Variants in VAC14 observed in about 807,000 individuals in gnomAD.
VAC14 encodes protein VAC14 homolog.
A neutral mutation model predicts 85.3 loss-of-function variants in VAC14; 47 were observed. That is an observed-to-expected ratio of 0.55 (90% CI 0.44 to 0.70). The LOEUF is 0.70. Ranked by LOEUF, VAC14 falls within the 30% of genes least tolerant of loss-of-function variation. The pLI is 0.00. For synonymous variants in VAC14, 447 were observed against 430.5 expected, an observed-to-expected ratio of 1.04 and a Z score of -0.47; for missense variants, 861 against 1,004.3, an observed-to-expected ratio of 0.86 and a Z score of 1.93.
At chr16:70,739,859 T>C (rs2030091069) in intron 13 of VAC14, among the ~76,000 whole-genome samples, 1 of 152,212 alleles carries the variant, frequency 6.6e-6, no homozygotes, top group Admixed American at 6.5e-5. Context: ...CTACAAGGAA[T>C]GAAACCAAAT....
intron 14 of VAC14, among the ~76,000 whole-genome samples, chr16:70,723,566 C>T (rs1257166674): frequency 1.3e-5 from 2 of 152,240 alleles, no homozygotes; most frequent in Non-Finnish European, 2.9e-5. Context: ...AGTTTCCTGG[C>T]ATCCTTAGGT....
At chr16:70,726,297 G>A (rs1192174807) in intron 14 of VAC14, among the ~76,000 whole-genome samples, 1 of 152,236 alleles carries the variant, frequency 6.6e-6, no homozygotes, top group African/African-American at 2.4e-5. Flanking sequence ...AGCGGAGCCG[G>A]GCCGGGCCGC....
intron 12 of VAC14, among the ~76,000 whole-genome samples, chr16:70,757,174 T>C (rs1412268940): frequency 6.6e-6 from 1 of 152,194 alleles, no homozygotes; most frequent in East Asian, 1.9e-4. Context: ...ACACTTTCTC[T>C]GTAGGCCCAA....
At chr16:70,756,658 A>AC (rs1157293854) in intron 12 of VAC14, among the ~76,000 whole-genome samples, 2 of 152,022 alleles carry the variant, frequency 1.3e-5, no homozygotes, top group African/African-American at 4.8e-5. Flanking sequence ...TTGGGGTTCT[A>AC]CCCCATGGGT....
chr16:70,695,620 C>T lies in VAC14; in HGVS notation c.1959G>A (p.Gly653=). The change falls in exon 17 of 19, where the codon GGG becomes GGA. Residue 653 remains glycine (G), a synonymous_variant. Transcript: ENST00000261776. ...RHAYDLIQKF[G]DLEVTVDFLA... is the part of the protein sequence containing the mutation. Reference sequence around the variant, plus strand: ...GGAAGTCCACGGTGACCTCCAGGTCCCCACTGGGTGTGCAGTCAAGGAAAG... The same window carrying T: ...GGAAGTCCACGGTGACCTCCAGGTCTCCACTGGGTGTGCAGTCAAGGAAAG... 4.3e-6 allele frequency: 7 copies of T among 1,613,484 alleles called. No homozygotes were observed. Among genetic ancestry groups the T allele is most frequent in the Non-Finnish European group, 5.9e-6 (7 of 1,179,692 alleles).
At chr16:70,736,392 GA>G (rs1459627784) in intron 13 of VAC14, among the ~76,000 whole-genome samples, 1 of 152,204 alleles carries the variant, frequency 6.6e-6, no homozygotes, top group Non-Finnish European at 1.5e-5. Flanking sequence ...GGGCTGGTCT[GA>G]AATGTCTGAG....
Position 70,782,175 on chromosome 16 carries a change from A to G in VAC14, c.812-172T>C, listed in dbSNP as rs879058191. On this transcript the variant is annotated intron_variant, in intron 7 of 18. Coordinates refer to ENST00000261776, the MANE Select transcript of VAC14 (RefSeq NM_018052.5). ...TGTGCTTTGCCTTCCAAAGGTGGAG[A>G]CACAGGCTGGGACGGAGCAACAATC... Among the ~76,000 whole-genome samples, 4 of 152,204 alleles carry G rather than the reference A, an allele frequency of 2.6e-5. No homozygotes were observed. In the South Asian group the frequency reaches 6.2e-4, roughly 24 times the overall value.
At chr16:70,752,780 T>C (rs1304099320) in intron 12 of VAC14, among the ~76,000 whole-genome samples, 2 of 152,186 alleles carry the variant, frequency 1.3e-5, no homozygotes, top group Non-Finnish European at 2.9e-5. Context: ...GCCCCAGATG[T>C]GGGGCACGTC....
Position 70,695,552 on chromosome 16 carries a change from A to G in VAC14, c.2027T>C (p.Ile676Thr), listed in dbSNP as rs991696795. ...TGGGAGGTGGTTCTTACATGTGAAG[A>G]TGGGGCACTCAATCAGCTGCACCAG... ...DKLVQLIECP[I>T]FTYLRLQLLD... is the part of the protein sequence containing the mutation. The change falls in exon 17 of 19, where the codon ATC (isoleucine) becomes ACC (threonine). Residue 676 changes from isoleucine to threonine, a missense_variant. This residue lies in a region of VAC14 where 163 missense variants were observed against 162.2 expected (regional missense o/e 1.00). Transcript: ENST00000261776. The G allele has an allele frequency of 5.0e-6, 8 of 1,613,750 alleles. No homozygotes were observed. The highest frequency in any genetic ancestry group is 2.7e-5 in the African/African-American group (2 of 74,896).
intron 14 of VAC14, among the ~76,000 whole-genome samples, chr16:70,727,425 C>T (rs902864229): frequency 6.6e-6 from 1 of 152,158 alleles, no homozygotes; most frequent in Non-Finnish European, 1.5e-5. Flanking sequence ...CTGCAACCTC[C>T]GCCTCCTGGG....
intron 1 of VAC14, among the ~76,000 whole-genome samples, chr16:70,788,421 T>C (rs1271042753): frequency 6.6e-6 from 1 of 152,200 alleles, no homozygotes; most frequent in Non-Finnish European, 1.5e-5. Context: ...GCTGTACAAG[T>C]GGCCTGTGAG....
intron 12 of VAC14, among the ~76,000 whole-genome samples, chr16:70,755,655 C>T (rs1007261536): frequency 6.6e-6 from 1 of 152,204 alleles, no homozygotes; most frequent in Non-Finnish European, 1.5e-5. Context: ...CAGCTGGGGC[C>T]CTCTCCTCCT....
chr16:70,759,443 G>C (rs1048625798), intron 12 of VAC14, among the ~76,000 whole-genome samples: 1 of 152,070 alleles, frequency 6.6e-6, no homozygotes. Context: ...CCTGGCCAAC[G>C]TGGTGAAAGC....
intron 9 of VAC14, chr16:70,778,887 G>T (rs928742536): frequency 5.9e-5 from 9 of 152,158 alleles, no homozygotes; most frequent in African/African-American, 2.2e-4. Flanking sequence ...ATATTTCAGT[G>T]AGAGGTCACA....
At chr16:70,730,659 G>T (rs536352192) in intron 14 of VAC14, among the ~76,000 whole-genome samples, 1 of 147,314 alleles carries the variant, frequency 6.8e-6, no homozygotes, top group African/African-American at 2.6e-5. Context: ...GTGCAGTGGT[G>T]TGATCTCGGC....
intron 1 of VAC14, among the ~76,000 whole-genome samples, chr16:70,798,089 T>A (rs8058006): frequency 0.2 from 30,747 of 152,158 alleles, 5,066 homozygotes; most frequent in African/African-American, 0.46. Context: ...TATTATGCTC[T>A]TTTTACAGAT....
intron 14 of VAC14, chr16:70,716,299 G>A (rs949226303): frequency 6.6e-6 from 1 of 152,274 alleles, no homozygotes; most frequent in African/African-American, 2.4e-5. Flanking sequence ...GCACATCCCA[G>A]GCACTCAGGA....
chr16:70,720,535 C>T (rs1473909001), intron 14 of VAC14, among the ~76,000 whole-genome samples: 2 of 152,182 alleles, frequency 1.3e-5, no homozygotes, highest in African/African-American at 4.8e-5. Context: ...GTGGAGCTTC[C>T]AAGGCACCTT....
At chr16:70,768,546 C>G in intron 10 of VAC14, 1 of 305,574 alleles carries the variant, frequency 3.3e-6, no homozygotes, top group South Asian at 2.5e-5. Flanking sequence ...CTACAGCCAC[C>G]TCACCACCTG....
Sources: gnomAD v4.1 joint callset for allele counts (sites outside exome capture counted in the v4.1 genomes callset) on GRCh38, gnomAD v4.1.1 for gene constraint, gnomAD v4.1.1 regional missense constraint, MANE v1.5 for transcripts, NCBI Gene and HGNC (gene_info 2026-07-23, HGNC 2026-07-21) for gene names.